NEBL: variants seen among roughly 807,000 people sequenced by gnomAD.
NEBL encodes the protein LIM and SH3 protein 2.
A neutral mutation model predicts 140.2 loss-of-function variants in NEBL; 122 were observed. That is an observed-to-expected ratio of 0.87 (90% CI 0.75 to 1.01). NEBL has a LOEUF of 1.01. Ranked by LOEUF, NEBL falls within the 50% of genes least tolerant of loss-of-function variation. The pLI is 0.00. For synonymous variants in NEBL, 436 were observed against 398.9 expected (o/e 1.09, Z -1.11); for missense variants, 1,365 against 1,231.3 (o/e 1.11, Z -1.62).
intron 18 of NEBL, among the ~76,000 whole-genome samples, chr10:20,824,525 T>C (rs1160792498): frequency 2.6e-5 from 4 of 152,222 alleles, no homozygotes; most frequent in Non-Finnish European, 5.9e-5. Context: ...GCTTGTACTC[T>C]GGAGGTGGAA....
chr10:21,201,572 A>G (rs908695677), intron 3 of NEBL, among the ~76,000 whole-genome samples: 5 of 152,076 alleles, frequency 3.3e-5, no homozygotes, highest in African/African-American at 9.6e-5. Flanking sequence ...ATGAACCTGA[A>G]TATGTATTTT....
chr10:20,943,744 C>A (rs528918342), intron 4 of NEBL, among the ~76,000 whole-genome samples: 1 of 152,186 alleles, frequency 6.6e-6, no homozygotes, highest in East Asian at 1.9e-4. Context: ...TCCTTACACA[C>A]GTAAAACTAA....
At chr10:20,823,148 C>G in intron 19 of NEBL, 60 bp downstream of exon 19, 1 of 1,241,896 alleles carries the variant, frequency 8.1e-7, no homozygotes, top group Admixed American at 1.8e-5. Flanking sequence ...AGGTTTTATG[C>G]TGTCATTACG....
chr10:21,252,964 A>T (rs913223431), intron 1 of NEBL, among the ~76,000 whole-genome samples: 31 of 152,112 alleles, frequency 2.0e-4, no homozygotes, highest in African/African-American at 7.2e-4. Flanking sequence ...CCAAAAAAGC[A>T]AATAAATAAG....
At chr10:21,165,016 T>A (rs966192438) in intron 2 of NEBL, among the ~76,000 whole-genome samples, 2 of 152,232 alleles carry the variant, frequency 1.3e-5, no homozygotes, top group Non-Finnish European at 2.9e-5. Context: ...TTTAACAATG[T>A]GACCTTTTCT....
intron 1 of NEBL, among the ~76,000 whole-genome samples, chr10:21,289,736 T>C (rs1049860672): frequency 2.6e-5 from 4 of 152,224 alleles, no homozygotes; most frequent in Non-Finnish European, 4.4e-5. Context: ...CCTTCAATTA[T>C]GCAGTTCACT....
intron 2 of NEBL, among the ~76,000 whole-genome samples, chr10:21,102,114 A>G (rs897740534): frequency 6.6e-6 from 1 of 152,250 alleles, no homozygotes; most frequent in Non-Finnish European, 1.5e-5. Flanking sequence ...ATCATTCCTA[A>G]GGTCTCATCT....
chr10:21,052,090 TA>T (rs957660349), intron 2 of NEBL, among the ~76,000 whole-genome samples: 20 of 149,402 alleles, frequency 1.3e-4, no homozygotes, highest in South Asian at 4.3e-4. Flanking sequence ...ATAAAAAGTT[TA>T]AAAAAAAAAC....
chr10:20,881,014 T>C (rs1170710062), intron 4 of NEBL, 110 bp from the exon 5 acceptor site: 2 of 788,082 alleles, frequency 2.5e-6, no homozygotes, highest in East Asian at 5.2e-5. Context: ...CACTGATAGT[T>C]AATTTGCCTA....
At chr10:20,946,841 C>T (rs943519457) in intron 4 of NEBL, among the ~76,000 whole-genome samples, 3 of 152,176 alleles carry the variant, frequency 2.0e-5, no homozygotes, top group Admixed American at 1.3e-4. Context: ...ATCCTGGCAG[C>T]ATTTAACAAA....
chr10:21,145,568 A>G (rs1438306957), intron 2 of NEBL, among the ~76,000 whole-genome samples: 1 of 152,226 alleles, frequency 6.6e-6, no homozygotes, highest in Non-Finnish European at 1.5e-5. Flanking sequence ...CACTTTACAT[A>G]ATCTATCTCC....
At position 20,797,746 on chromosome 10, in the gene NEBL, A is replaced by C. The variant is rs1182638599; in HGVS notation, c.2762-10438T>G. On this transcript the variant is annotated intron_variant, in intron 26 of 27. Transcript: ENST00000377122. Reference sequence around the variant, plus strand: ...GGAGCAAGGTAAGAACTTGACAGACAGAACAGTAGACAAGTTTAACACACA... The same window carrying C: ...GGAGCAAGGTAAGAACTTGACAGACCGAACAGTAGACAAGTTTAACACACA... Among the ~76,000 whole-genome samples the C allele has an allele frequency of 2.6e-5, 4 of 152,300 alleles. No homozygotes were observed. The East Asian group carries it at 5.8e-4, about 22-fold the overall frequency.
chr10:21,147,078 C>T (rs1839927165), intron 2 of NEBL, among the ~76,000 whole-genome samples: 1 of 152,128 alleles, frequency 6.6e-6, no homozygotes, highest in Admixed American at 6.5e-5. Context: ...GAAAGCTTTG[C>T]CTCCATCTTT....
At chr10:21,056,694 T>C (rs993939680) in intron 2 of NEBL, among the ~76,000 whole-genome samples, 10 of 152,174 alleles carry the variant, frequency 6.6e-5, no homozygotes, top group African/African-American at 2.4e-4. Context: ...AACAGTGAAA[T>C]TGACAGCAGT....
chr10:20,937,659 G>C (rs1475053102), intron 4 of NEBL, among the ~76,000 whole-genome samples: 2 of 152,298 alleles, frequency 1.3e-5, no homozygotes, highest in African/African-American at 4.8e-5. Context: ...CACCCAGGAT[G>C]CACAAGGGGT....
chr10:20,912,670 G>A (rs994365218), intron 4 of NEBL, among the ~76,000 whole-genome samples: 4 of 151,630 alleles, frequency 2.6e-5, no homozygotes, highest in East Asian at 1.9e-4. Context: ...TCCTACTTAC[G>A]TTGCACCTAG....
intron 2 of NEBL, among the ~76,000 whole-genome samples, chr10:21,115,582 G>A (rs760454516): frequency 2.0e-4 from 30 of 151,556 alleles, no homozygotes; most frequent in African/African-American, 4.8e-4. Flanking sequence ...ATTGTCTTCC[G>A]ACTTGCATTG....
chr10:21,212,962 G>A (rs1172848939), intron 3 of NEBL, among the ~76,000 whole-genome samples: 1 of 151,936 alleles, frequency 6.6e-6, no homozygotes, highest in African/African-American at 2.4e-5. Flanking sequence ...GATTCTTCAT[G>A]GTGCAGAGCT....
intron 1 of NEBL, among the ~76,000 whole-genome samples, chr10:21,275,637 C>CTTTT (rs11396394): frequency 3.3e-4 from 40 of 119,508 alleles, no homozygotes; most frequent in Middle Eastern, 4.9e-3. Flanking sequence ...ACATTACCAG[C>CTTTT]TTTTTTTTTT....
Sources: gnomAD v4.1 joint callset for allele counts (sites outside exome capture counted in the v4.1 genomes callset) on GRCh38, gnomAD v4.1.1 for gene constraint, MANE v1.5 for transcripts, NCBI Gene and HGNC (gene_info 2026-07-23, HGNC 2026-07-21) for gene names.